Variants in AKR1A1 observed in about 807,000 individuals in gnomAD.
The protein encoded by AKR1A1 is HEL-S-165mP.
A neutral mutation model predicts 39.2 loss-of-function variants in AKR1A1; 26 were observed. The observed-to-expected ratio is 0.66, with a 90% CI of 0.49 to 0.92. The LOEUF is 0.92. Ranked by LOEUF, AKR1A1 falls within the 40% of genes least tolerant of loss-of-function variation. The pLI is 0.00. For missense variants in AKR1A1, 378 were observed against 406.5 expected, an observed-to-expected ratio of 0.93 and a Z score of 0.60; for synonymous variants, 141 against 155.5, an observed-to-expected ratio of 0.91 and a Z score of 0.69.
chr1:45,552,496 T>A (rs990077007), intron 1 of AKR1A1: 1 of 152,166 alleles, frequency 6.6e-6, no homozygotes, highest in African/African-American at 2.4e-5. Context: ...TATGAGCCAC[T>A]GCACCTGGAA....
chr1:45,565,027 T>A (rs1346515437), intron 2 of AKR1A1, among the ~76,000 whole-genome samples: 1 of 151,462 alleles, frequency 6.6e-6, no homozygotes, highest in African/African-American at 2.4e-5. Flanking sequence ...TTTCACCGTG[T>A]TAGCCAGGAT....
rs376268407 is a variant in AKR1A1, at chr1:45,554,930, A to G, written c.-7+3775A>G. 1.6e-3 allele frequency among the ~76,000 whole-genome samples: 250 copies of G among 152,202 alleles called. 1 individual carries two copies. The highest frequency in any genetic ancestry group is 2.8e-3 in the Non-Finnish European group (188 of 68,022). Reference sequence around the variant, plus strand: ...GGTCTCGAACTCCTGGACTCAAGCAATCTGCTTGCCTCAGCCTCCCAAAGT... The same window carrying G: ...GGTCTCGAACTCCTGGACTCAAGCAGTCTGCTTGCCTCAGCCTCCCAAAGT... On this transcript the variant is annotated intron_variant, in intron 1 of 8. Transcript: ENST00000351829.
chr1:45,567,913 G>C, intron 4 of AKR1A1, 69 bp from the exon 5 acceptor site: 1 of 1,429,506 alleles, frequency 7.0e-7, no homozygotes, highest in Non-Finnish European at 9.4e-7. Context: ...ACATAGAGTG[G>C]CTGGATGGGC....
At chr1:45,559,013 T>C (rs1644243771) in intron 1 of AKR1A1, among the ~76,000 whole-genome samples, 1 of 152,214 alleles carries the variant, frequency 6.6e-6, no homozygotes, top group Non-Finnish European at 1.5e-5. Context: ...CTCTCTCCTT[T>C]TCTTTCACTT....
chr1:45,565,844 C>T (rs898421411), intron 2 of AKR1A1, among the ~76,000 whole-genome samples: 1 of 151,636 alleles, frequency 6.6e-6, no homozygotes, highest in Non-Finnish European at 1.5e-5. Flanking sequence ...TGAACTTCTG[C>T]CTTCAAGCAA....
intron 1 of AKR1A1, among the ~76,000 whole-genome samples, chr1:45,557,685 G>A (rs1202790687): frequency 6.6e-6 from 1 of 152,148 alleles, no homozygotes; most frequent in East Asian, 1.9e-4. Context: ...CAGGCCACCA[G>A]GTTCCTCTTG....
At chr1:45,552,555 C>G (rs1245173570) in intron 1 of AKR1A1, 3 of 152,126 alleles carry the variant, frequency 2.0e-5, no homozygotes, top group Non-Finnish European at 2.9e-5. Context: ...AGCAGCTAGC[C>G]AGGCAAAGGT....
At chr1:45,559,837 G>A (rs535625378) in intron 1 of AKR1A1, among the ~76,000 whole-genome samples, 12 of 151,162 alleles carry the variant, frequency 7.9e-5, no homozygotes, top group South Asian at 2.1e-4. Flanking sequence ...TAGTAGAGAC[G>A]GGGTTTCGCT....
chr1:45,556,314 G>A (rs1644201993), intron 1 of AKR1A1, among the ~76,000 whole-genome samples: 1 of 152,230 alleles, frequency 6.6e-6, no homozygotes, highest in Admixed American at 6.5e-5. Context: ...CGGGCGCGGC[G>A]GCTCGCGCCT....
chr1:45,560,533 T>G (rs1438418120), intron 1 of AKR1A1, among the ~76,000 whole-genome samples: 1 of 152,124 alleles, frequency 6.6e-6, no homozygotes, highest in Non-Finnish European at 1.5e-5. Context: ...TCACTTGAGC[T>G]TAGGAGTTCA....
chr1:45,565,563 G>T (rs748420863), intron 2 of AKR1A1, among the ~76,000 whole-genome samples: 1 of 151,224 alleles, frequency 6.6e-6, no homozygotes, highest in Non-Finnish European at 1.5e-5. Flanking sequence ...AGCCTCCCCC[G>T]CCTGGGTTCA....
intron 4 of AKR1A1, 38 bp from the exon 5 acceptor site, chr1:45,567,943 CA>C (rs757822127): frequency 6.4e-6 from 10 of 1,557,336 alleles, no homozygotes; most frequent in Admixed American, 1.8e-5. Flanking sequence ...AGAAGCCTGG[CA>C]TTTGTGTCCA....
In AKR1A1 at chr1:45,566,557, C is replaced by G. The variant is rs769153756; in HGVS notation, c.85-12C>G. The G allele has an allele frequency of 6.2e-7, 1 of 1,613,980 alleles. No individual in the cohort carries two copies. The highest frequency in any genetic ancestry group is 1.7e-5 in the Admixed American group (1 of 60,018). On this transcript the variant is annotated splice_polypyrimidine_tract_variant and intron_variant, in intron 2 of 8. Coordinates refer to ENST00000351829, the MANE Select transcript of AKR1A1 (RefSeq NM_153326.3). ...CAACATAGCTGAAACCTCTGCTTCT[C>G]TCACCTGGCAGGTAAAAGCAGCTGT...
intron 2 of AKR1A1, among the ~76,000 whole-genome samples, chr1:45,564,726 G>T (rs1035233382): frequency 6.6e-6 from 1 of 150,730 alleles, no homozygotes; most frequent in Non-Finnish European, 1.5e-5. Flanking sequence ...TGTTTCCATG[G>T]TCTATACTTC....
chr1:45,556,224 C>T (rs1557629651), intron 1 of AKR1A1, among the ~76,000 whole-genome samples: 1 of 152,062 alleles, frequency 6.6e-6, no homozygotes, highest in Non-Finnish European at 1.5e-5. Context: ...ATAATAAAAC[C>T]TGATTCCTGA....
Position 45,568,660 on chromosome 1 carries a change from G to T in AKR1A1, c.728G>T (p.Arg243Leu). 6.2e-7 allele frequency: 1 copy of T among 1,613,638 alleles called. No homozygotes were observed. Among genetic ancestry groups the T allele is most frequent in the Non-Finnish European group, 8.5e-7 (1 of 1,179,890 alleles). The change falls in exon 6 of 9, where the codon CGA becomes CTA. Residue 243 changes from arginine to leucine, a missense_variant. Coordinates refer to ENST00000351829, the MANE Select transcript of AKR1A1 (RefSeq NM_153326.3). ...CTGGCATTGGCTGAAAAGTATGGCC[G>T]ATCTCCAGCTCAGATCTTGCTCAGG... ...VVLALAEKYGRSPAQILLRWQ... is the reference protein window; with the variant it reads ...VVLALAEKYGLSPAQILLRWQ...
In AKR1A1 at chr1:45,568,444, G is replaced by T. The variant is rs762426610; in HGVS notation, c.553-41G>T. 3.1e-6 allele frequency: 5 copies of T among 1,602,546 alleles called. No homozygotes were observed. In the East Asian group the frequency reaches 1.1e-4, roughly 36 times the overall value. ...TGTCTGGGATGGGCCAAGCAAGCTG[G>T]GTGTCACCACTTCATGGTGATGGGT... is the stretch of plus-strand genomic sequence containing the variant. On this transcript the variant is annotated intron_variant, in intron 5 of 8. Coordinates refer to ENST00000351829, the MANE Select transcript of AKR1A1 (RefSeq NM_153326.3).
intron 1 of AKR1A1, among the ~76,000 whole-genome samples, chr1:45,555,202 T>C (rs1449823451): frequency 6.6e-6 from 1 of 152,078 alleles, no homozygotes; most frequent in Non-Finnish European, 1.5e-5. Context: ...AAAAATACAG[T>C]ATAGGCCGGG....
At position 45,568,996 on chromosome 1, in the gene AKR1A1, C is replaced by T; in HGVS notation, c.822C>T (p.Ile274=). ...SITPSRILQN[I]KVFDFTFSPE... ...CTCCTTCTCGAATCCTTCAGAACATCAAGGTACTTGGTAATGGGTTCTATC... is the reference window on the plus strand; with the variant it reads ...CTCCTTCTCGAATCCTTCAGAACATTAAGGTACTTGGTAATGGGTTCTATC... The change falls in exon 7 of 9, where the codon ATC becomes ATT. Residue 274 remains isoleucine (I), a synonymous_variant. Transcript: ENST00000351829. 1 of 1,614,070 alleles carries T rather than the reference C, an allele frequency of 6.2e-7. No individual in the cohort carries two copies. Among genetic ancestry groups the T allele is most frequent in the Non-Finnish European group, 8.5e-7 (1 of 1,179,916 alleles).
Sources: allele counts gnomAD v4.1 joint callset (sites outside exome capture counted in the v4.1 genomes callset), GRCh38; gene constraint gnomAD v4.1.1; transcripts MANE v1.5; gene names NCBI Gene and HGNC (gene_info 2026-07-23, HGNC 2026-07-21).